Variants in DNAI2 observed in about 807,000 individuals in gnomAD.
DNAI2 encodes dynein, axonemal, intermediate polypeptide 2.
Under a neutral mutation model 74.7 loss-of-function variants are expected in DNAI2, and 63 were observed. The observed-to-expected ratio is 0.84, with a 90% confidence interval of 0.69 to 1.04. DNAI2 has a LOEUF of 1.04. Among genes scored for constraint, DNAI2 ranks in the 50% least tolerant of loss-of-function variants. DNAI2 has a pLI of 0.00. For synonymous variants in DNAI2, 289 were observed against 314.9 expected, an observed-to-expected ratio of 0.92 and a Z score of 0.87; for missense variants, 688 against 803.2, an observed-to-expected ratio of 0.86 and a Z score of 1.73.
chr17:74,303,715 C>T (rs929892832), intron 8 of DNAI2, among the ~76,000 whole-genome samples: 13 of 152,068 alleles, frequency 8.5e-5, no homozygotes, highest in African/African-American at 1.9e-4. Flanking sequence ...GCCTCAACCA[C>T]CACACCTGGC....
intron 9 of DNAI2, among the ~76,000 whole-genome samples, chr17:74,307,711 A>G (rs1440286003): frequency 6.7e-6 from 1 of 149,252 alleles, no homozygotes; most frequent in East Asian, 1.9e-4. Flanking sequence ...TTTAAAAAAA[A>G]AAACTATTTT....
In DNAI2 at chr17:74,281,684, C is replaced by T. The variant is rs771881864; in HGVS notation, c.-11-123C>T. 1.2e-5 allele frequency: 11 copies of T among 909,916 alleles called. No individual in the cohort carries two copies. In the South Asian group the frequency reaches 1.4e-4, roughly 12 times the overall value. 56.4% of individuals were successfully genotyped at this position (909,916 alleles called of 1,614,324 possible). On this transcript the variant is annotated intron_variant, in intron 1 of 13. Coordinates refer to ENST00000311014, the MANE Select transcript of DNAI2 (RefSeq NM_023036.6). ...CTTCTGGACAAATTCCTAGGATCTCCCCACCACCCCTTGCTTCCTGCCCCA... is the reference window on the plus strand; with the variant it reads ...CTTCTGGACAAATTCCTAGGATCTCTCCACCACCCCTTGCTTCCTGCCCCA...
intron 6 of DNAI2, among the ~76,000 whole-genome samples, chr17:74,298,697 G>A (rs2052588092): frequency 6.6e-6 from 1 of 152,086 alleles, no homozygotes; most frequent in African/African-American, 2.4e-5. Context: ...CAACCTCCCA[G>A]GCTCAAGCAA....
chr17:74,299,715 C>A lies in DNAI2; in HGVS notation c.725-3C>A. On this transcript the variant is annotated splice_polypyrimidine_tract_variant and splice_region_variant and intron_variant, in intron 6 of 13. Coordinates refer to ENST00000311014, the MANE Select transcript of DNAI2 (RefSeq NM_023036.6). Reference sequence around the variant, plus strand: ...ACTCCTTCTTCATCTCCTTCCTCACCAGCCTGCTGGGACACCCGAAAGGGC... The same window carrying A: ...ACTCCTTCTTCATCTCCTTCCTCACAAGCCTGCTGGGACACCCGAAAGGGC... The A allele has an allele frequency of 6.2e-7, 1 of 1,613,516 alleles. No homozygotes were observed. Among genetic ancestry groups the A allele is most frequent in the Non-Finnish European group, 8.5e-7 (1 of 1,180,020 alleles).
In DNAI2 at chr17:74,289,689, A is replaced by T. The variant is rs1247825900; in HGVS notation, c.563A>T (p.Gln188Leu). ...GTGGCATACTCCTGCTTGGATTTTC[A>T]GCGGGCACCTGTGGGCATGAGCAGC... ...LAVAYSCLDF[Q>L]RAPVGMSSDS... The change falls in exon 5 of 14, where the codon CAG (glutamine) becomes CTG (leucine). Residue 188 changes from glutamine (Q) to leucine (L), a missense_variant. Gln to Leu is a moderately radical substitution (Grantham distance 113, BLOSUM62 -2). Coordinates refer to ENST00000311014, the MANE Select transcript of DNAI2 (RefSeq NM_023036.6). The T allele has an allele frequency of 1.9e-6, 3 of 1,613,942 alleles. No homozygotes were observed. The highest frequency in any genetic ancestry group is 2.7e-5 in the African/African-American group (2 of 74,910).
intron 1 of DNAI2, among the ~76,000 whole-genome samples, chr17:74,275,188 C>T (rs754485412): frequency 6.6e-6 from 1 of 152,190 alleles, no homozygotes. Flanking sequence ...ACAGTCTTTC[C>T]GTCAAGGAGA....
chr17:74,313,695 T>C (rs1168820679), intron 12 of DNAI2: 4 of 225,672 alleles, frequency 1.8e-5, no homozygotes, highest in Non-Finnish European at 3.6e-5. Flanking sequence ...GTCTCTCTCT[T>C]AGTCTGCAAT....
At chr17:74,296,333 GGA>G (rs1555611087) in intron 6 of DNAI2, among the ~76,000 whole-genome samples, 22 of 44,630 alleles carry the variant, frequency 4.9e-4, no homozygotes, top group Non-Finnish European at 1.7e-3. Flanking sequence ...GAGAGAGAGA[GGA>G]GAGAGAGAGA....
chr17:74,282,033 A>T, intron 2 of DNAI2, 33 bp downstream of exon 2: 1 of 1,612,900 alleles, frequency 6.2e-7, no homozygotes. Context: ...CTGGCCTGTC[A>T]GGTGTGGCCA....
At chr17:74,293,505 C>G (rs1270726894) in intron 6 of DNAI2, among the ~76,000 whole-genome samples, 2 of 151,788 alleles carry the variant, frequency 1.3e-5, no homozygotes, top group Non-Finnish European at 2.9e-5. Flanking sequence ...TATCTTTCCC[C>G]ATCCTTTTAC....
chr17:74,287,277 G>A (rs535559561), intron 4 of DNAI2, among the ~76,000 whole-genome samples, 179 bp downstream of exon 4: 4 of 152,328 alleles, frequency 2.6e-5, no homozygotes, highest in East Asian at 3.9e-4. Context: ...CTCTGGGGGC[G>A]GGTCTGGTTG....
At chr17:74,314,462 C>A in intron 13 of DNAI2, 127 bp from the exon 14 acceptor site, 1 of 674,938 alleles carries the variant, frequency 1.5e-6, no homozygotes, top group Non-Finnish European at 2.3e-6. Context: ...GAGCTGGCTG[C>A]CCCATTGTCT....
chr17:74,291,130 A>C lies in DNAI2; in HGVS notation c.721A>C (p.Ile241Leu). The C allele has an allele frequency of 6.2e-7, 1 of 1,607,824 alleles. No individual in the cohort carries two copies. Residue 241 changes from isoleucine to leucine, a missense_variant, in exon 6 of 14, where the codon ATA becomes CTA. Ile to Leu is a conservative substitution (Grantham distance 5). Transcript: ENST00000311014. ...VLLGGCYNGQ[I>L]ACWDTRKGSL... is the part of the protein sequence containing the mutation. ...CCTGGGTGGCTGCTACAATGGACAG[A>C]TAGGTAAGGAGGGACCTAGGCTTTT...
chr17:74,309,467 T>C (rs2053382468), intron 10 of DNAI2, 79 bp downstream of exon 10: 2 of 1,593,988 alleles, frequency 1.3e-6, no homozygotes, highest in Non-Finnish European at 1.7e-6. Context: ...TGGGGTGCTG[T>C]GAGCACGTGT....
intron 8 of DNAI2, among the ~76,000 whole-genome samples, 181 bp from the exon 9 acceptor site, chr17:74,305,038 G>T (rs906501565): frequency 7.9e-5 from 12 of 152,290 alleles, no homozygotes; most frequent in Admixed American, 7.8e-4. Flanking sequence ...AAAAGATGGG[G>T]TCTGAGGAGC....
Position 74,314,308 on chromosome 17 carries a change from C to T in DNAI2, c.*55+37C>T, listed in dbSNP as rs2053703656. 43 of 1,600,846 alleles carry T rather than the reference C, an allele frequency of 2.7e-5. No individual in the cohort carries two copies. In the East Asian group the frequency reaches 8.4e-4, roughly 31 times the overall value. On this transcript the variant is annotated intron_variant, in intron 13 of 13. Transcript: ENST00000311014. ...CTCTCACAAGTGGGAGGCTGAGCTC[C>T]GCCTTAAAGCAGCACTGGGTGGTGG...
intron 9 of DNAI2, among the ~76,000 whole-genome samples, chr17:74,306,371 A>G (rs564870163): frequency 1.3e-5 from 2 of 152,278 alleles, no homozygotes; most frequent in South Asian, 4.1e-4. Context: ...AAATTAGGTA[A>G]TAAGCCCGAA....
At chr17:74,304,102 A>G (rs1199090883) in intron 8 of DNAI2, among the ~76,000 whole-genome samples, 2 of 152,032 alleles carry the variant, frequency 1.3e-5, no homozygotes, top group African/African-American at 2.4e-5. Flanking sequence ...AGCCTGGGCA[A>G]TGGAGCCAGA....
intron 7 of DNAI2, 31 bp from the exon 8 acceptor site, chr17:74,301,015 G>T (rs550115875): frequency 6.2e-7 from 1 of 1,612,756 alleles, no homozygotes; most frequent in South Asian, 1.1e-5. Flanking sequence ...ACAGGGCCTC[G>T]AAGTCTCACT....
Sources: allele counts gnomAD v4.1 joint callset (sites outside exome capture counted in the v4.1 genomes callset), GRCh38; gene constraint gnomAD v4.1.1; transcripts MANE v1.5; gene names NCBI Gene and HGNC (gene_info 2026-07-23, HGNC 2026-07-21).